Variants in KIF26B observed in about 807,000 individuals in gnomAD.
The protein encoded by KIF26B is kinesin family member 26B.
A neutral mutation model predicts 151.2 loss-of-function variants in KIF26B; 63 were observed. That is an observed-to-expected ratio of 0.42 (90% CI 0.34 to 0.51). The LOEUF (loss-of-function observed/expected upper bound fraction) is 0.51. Among genes scored for constraint, KIF26B ranks in the 20% least tolerant of loss-of-function variants. The pLI is 0.07. For synonymous variants in KIF26B, 1,357 were observed against 1,262.1 expected, an observed-to-expected ratio of 1.08 and a Z score of -1.59; for missense variants, 2,813 against 2,913.6, an observed-to-expected ratio of 0.97 and a Z score of 0.79.
At chr1:245,205,852 C>T (rs1573707398) in intron 2 of KIF26B, among the ~76,000 whole-genome samples, 1 of 146,206 alleles carries the variant, frequency 6.8e-6, no homozygotes, top group African/African-American at 2.5e-5. Flanking sequence ...CCACCCACAC[C>T]CCCACCCCCA....
At chr1:245,289,710 T>C (rs1433108542) in intron 2 of KIF26B, among the ~76,000 whole-genome samples, 7 of 152,190 alleles carry the variant, frequency 4.6e-5, no homozygotes, top group Non-Finnish European at 1.0e-4. Flanking sequence ...GGATTCCCAA[T>C]TTTTCTGCAG....
In KIF26B at chr1:245,572,198, T is replaced by G. The variant is rs937380507; in HGVS notation, c.1351-30379T>G. Among the ~76,000 whole-genome samples, 3 of 152,212 alleles carry G rather than the reference T, an allele frequency of 2.0e-5. No individual in the cohort carries two copies. The highest frequency in any genetic ancestry group is 7.2e-5 in the African/African-American group (3 of 41,444). ...CGTGGCCGTAGGAATGGTTTGCCCT[T>G]GCTCAGGACTTATTTACCTAATGTC... On this transcript the variant is annotated intron_variant, in intron 5 of 14. Coordinates refer to ENST00000407071, the MANE Select transcript of KIF26B (RefSeq NM_018012.4). This position sits in a 1 kb window ranked among gnomAD's most constrained non-coding sequence, Gnocchi z 4.2.
chr1:245,401,319 G>A (rs1194204613), intron 3 of KIF26B, among the ~76,000 whole-genome samples: 1 of 152,284 alleles, frequency 6.6e-6, no homozygotes, highest in African/African-American at 2.4e-5. Flanking sequence ...TCAGCCATAA[G>A]CATCTGTGTT....
intron 9 of KIF26B, among the ~76,000 whole-genome samples, chr1:245,618,902 G>T (rs371069714): frequency 6.5e-5 from 8 of 122,296 alleles, no homozygotes; most frequent in East Asian, 2.5e-4. Flanking sequence ...GCGTGCTGTT[G>T]GTGAGCTTGT....
intron 2 of KIF26B, among the ~76,000 whole-genome samples, chr1:245,297,574 T>TG (rs1197914480): frequency 1.3e-5 from 2 of 152,248 alleles, no homozygotes; most frequent in Admixed American, 6.5e-5. Flanking sequence ...AATTGTCTTT[T>TG]GAAAGCCTTT....
At chr1:245,423,881 C>G (rs773956457) in intron 4 of KIF26B, among the ~76,000 whole-genome samples, 14 of 152,086 alleles carry the variant, frequency 9.2e-5, no homozygotes, top group Non-Finnish European at 1.6e-4. Context: ...CTCTATTACC[C>G]AGGCTGGAGT....
intron 2 of KIF26B, chr1:245,206,557 GT>G (rs1669409830): frequency 6.6e-6 from 1 of 152,232 alleles, no homozygotes; most frequent in Non-Finnish European, 1.5e-5. Context: ...TATGCAGGCA[GT>G]TATTGATCTG....
intron 2 of KIF26B, among the ~76,000 whole-genome samples, chr1:245,304,874 A>T (rs1003013263): frequency 2.1e-5 from 3 of 143,316 alleles, no homozygotes; most frequent in Admixed American, 1.4e-4. Context: ...ACCCATCTTT[A>T]AAAAAAAAAA....
In KIF26B at chr1:245,563,841, C is replaced by A. The variant is rs922060472; in HGVS notation, c.1350+22891C>A. Among the ~76,000 whole-genome samples, 2 of 152,126 alleles carry A rather than the reference C, an allele frequency of 1.3e-5. No homozygotes were observed. The highest frequency in any genetic ancestry group is 4.8e-5 in the African/African-American group (2 of 41,424). On this transcript the variant is annotated intron_variant, in intron 5 of 14. Coordinates refer to ENST00000407071, the MANE Select transcript of KIF26B (RefSeq NM_018012.4). This position sits in a 1 kb window ranked among gnomAD's most constrained non-coding sequence, Gnocchi z 4.6. The stretch of plus-strand genomic sequence containing the variant: ...TGAAGGAAGCGGGCTCCTGCAGGAC[C>A]CGGGAGACAGTGTTGAACTTGACCT...
chr1:245,280,548 A>C (rs940008701), intron 2 of KIF26B, among the ~76,000 whole-genome samples: 4 of 144,954 alleles, frequency 2.8e-5, no homozygotes, highest in Non-Finnish European at 4.6e-5. Context: ...AAAAGAAAAG[A>C]AATTATTTTA....
chr1:245,686,994 C>G lies in KIF26B; in HGVS notation c.4011C>G (p.Pro1337=), dbSNP rs114792430. 7 of 1,613,550 alleles carry G rather than the reference C, an allele frequency of 4.3e-6. No homozygotes were observed. The highest frequency in any genetic ancestry group is 1.7e-5 in the Admixed American group (1 of 59,980). ...VVCREKPKAS[P]DNLLILSEMG... Reference sequence around the variant, plus strand: ...GCAGAGAGAAGCCCAAGGCCAGCCCCGACAACTTGCTCATCCTGTCTGAGA... The same window carrying G: ...GCAGAGAGAAGCCCAAGGCCAGCCCGGACAACTTGCTCATCCTGTCTGAGA... Residue 1337 remains proline, a synonymous_variant, in exon 12 of 15, where the codon CCC becomes CCG. Transcript: ENST00000407071. The surrounding 1 kb of genome is among the most constrained non-coding windows in gnomAD (Gnocchi z 5.6).
At chr1:245,171,856 T>C (rs1426304505) in intron 2 of KIF26B, among the ~76,000 whole-genome samples, 1 of 152,186 alleles carries the variant, frequency 6.6e-6, no homozygotes, top group Non-Finnish European at 1.5e-5. Context: ...TCCGTGTTGG[T>C]TTCCTCGCTT....
intron 2 of KIF26B, among the ~76,000 whole-genome samples, chr1:245,224,263 C>T (rs1364098627): frequency 7.1e-6 from 1 of 140,312 alleles, no homozygotes. Flanking sequence ...CCAGCCTGGG[C>T]AACAAGAGCA....
chr1:245,168,865 C>A (rs1668658185), intron 2 of KIF26B, among the ~76,000 whole-genome samples: 1 of 152,086 alleles, frequency 6.6e-6, no homozygotes, highest in Non-Finnish European at 1.5e-5. Context: ...TCAACGAGGC[C>A]CATGCAGTTA....
At chr1:245,313,641 C>G (rs978834950) in intron 2 of KIF26B, among the ~76,000 whole-genome samples, 13 of 152,214 alleles carry the variant, frequency 8.5e-5, no homozygotes, top group Admixed American at 2.0e-4. Flanking sequence ...AACCATGTCC[C>G]TGTCACAGAT....
At chr1:245,316,140 AT>A (rs71299015) in intron 2 of KIF26B, among the ~76,000 whole-genome samples, 447 of 141,196 alleles carry the variant, frequency 3.2e-3, no homozygotes, top group Non-Finnish European at 3.0e-3. Context: ...GGCTGCTTCT[AT>A]TTTTTTTTTT....
At chr1:245,679,457 G>GTTTTTTTTTT (rs35663208) in intron 10 of KIF26B, among the ~76,000 whole-genome samples, 2 of 59,176 alleles carry the variant, frequency 3.4e-5, no homozygotes, top group African/African-American at 1.2e-4. Context: ...TTTTGTGTGT[G>GTTTTTTTTTT]TTTTTTTTTT....
At chr1:245,492,190 G>A (rs1444682511) in intron 4 of KIF26B, among the ~76,000 whole-genome samples, 1 of 152,144 alleles carries the variant, frequency 6.6e-6, no homozygotes, top group Non-Finnish European at 1.5e-5. Flanking sequence ...CTGAACCCTT[G>A]AAGACAAGGG....
At chr1:245,586,477 G>T (rs2043225007) in intron 5 of KIF26B, among the ~76,000 whole-genome samples, 1 of 152,264 alleles carries the variant, frequency 6.6e-6, no homozygotes, top group Admixed American at 6.5e-5. Context: ...GCCCTCTGTT[G>T]TCTGGGTTAA....
Sources: gnomAD v4.1 joint callset for allele counts (sites outside exome capture counted in the v4.1 genomes callset) on GRCh38, gnomAD v4.1.1 for gene constraint, Gnocchi (gnomAD v3.1) non-coding constraint, MANE v1.5 for transcripts, NCBI Gene and HGNC (gene_info 2026-07-23, HGNC 2026-07-21) for gene names.